Variants in PHF8 observed in about 807,000 individuals in gnomAD.
PHF8 encodes histone lysine demethylase PHF8.
In PHF8, 9 loss-of-function variants were observed where a neutral mutation model predicts 74.4. That is an observed-to-expected ratio of 0.12 (90% CI 0.07 to 0.21). The LOEUF (loss-of-function observed/expected upper bound fraction) is 0.21. PHF8 is among the 10% of genes least tolerant of loss of function. PHF8 has a pLI of 1.00. For missense variants in PHF8, 478 were observed against 816.6 expected (o/e 0.59, Z 5.05); for synonymous variants, 311 against 316.6 (o/e 0.98, Z 0.19).
chrX:53,953,203 G>A (rs1447559574), intron 19 of PHF8, among the ~76,000 whole-genome samples: 6 of 106,835 alleles, frequency 5.6e-5, no homozygotes, highest in African/African-American at 1.7e-4. Context: ...GAACCCGGGA[G>A]GTGGAGGTTG....
At chrX:53,945,747 T>C (rs1391825992) in intron 19 of PHF8, among the ~76,000 whole-genome samples, 2 of 110,980 alleles carry the variant, frequency 1.8e-5, no homozygotes, top group Admixed American at 1.9e-4. Flanking sequence ...TAGAGTACTA[T>C]CTTCCTTTTT....
chrX:54,041,344 A>C (rs1308230413), intron 2 of PHF8, among the ~76,000 whole-genome samples: 1 of 106,716 alleles, frequency 9.4e-6, no homozygotes, highest in Non-Finnish European at 1.9e-5. Context: ...AGATCATGCC[A>C]TTGCACTCCA....
At chrX:54,036,626 C>T (rs1340650832) in intron 2 of PHF8, among the ~76,000 whole-genome samples, 3 of 66,072 alleles carry the variant, frequency 4.5e-5, no homozygotes, top group African/African-American at 1.7e-4. Context: ...ATGCCTTGAA[C>T]TACATGAAAA....
In PHF8 at chrX:53,971,569, AATAG is replaced by A. The variant is rs781846012; in HGVS notation, c.2444-8634_2444-8631del. ...GCTTCTTTTTTGAAAAAATTAATAA[AATAG>A]ATAGACCATTAGCTAGACTAATGAA... is the stretch of plus-strand genomic sequence containing the variant. On this transcript the variant is annotated intron_variant, in intron 18 of 21. Transcript: ENST00000338154. Among the ~76,000 whole-genome samples the A allele has an allele frequency of 6.3e-5, 7 of 111,714 alleles. No homozygotes were observed. In the South Asian group the frequency reaches 1.5e-3, roughly 24 times the overall value.
At chrX:53,964,142 C>A (rs2065144054) in intron 18 of PHF8, among the ~76,000 whole-genome samples, 1 of 109,981 alleles carries the variant, frequency 9.1e-6, no homozygotes. Flanking sequence ...GACAGAAAAC[C>A]AAACACCGCA....
chrX:53,995,919 C>CAA lies in PHF8; in HGVS notation c.1234-139_1234-138dup, dbSNP rs879965477. 1.1e-3 allele frequency: 351 copies of CAA among 317,894 alleles called. 1 individual carries two copies. The highest frequency in any genetic ancestry group is 4.9e-3 in the African/African-American group (166 of 33,799). The allele number at this position is 317,894 out of a possible 1,213,427, so 26.2% of individuals were successfully genotyped here. On this transcript the variant is annotated intron_variant, in intron 11 of 21. Transcript: ENST00000338154. ...TCTGGACCAATTGGATATCCACATG[C>CAA]AAAAAAAAAAACAAAAACAAACAAA... is the stretch of plus-strand genomic sequence containing the variant.
chrX:53,998,689 C>T (rs1222721388), intron 11 of PHF8, among the ~76,000 whole-genome samples: 1 of 111,261 alleles, frequency 9.0e-6, no homozygotes, highest in Non-Finnish European at 1.9e-5. Context: ...ACTATACACA[C>T]GGTTGTGCAC....
chrX:54,002,317 T>C, intron 9 of PHF8, 56 bp from the exon 10 acceptor site: 2 of 748,825 alleles, frequency 2.7e-6, no homozygotes, highest in Middle Eastern at 6.0e-4. Context: ...GAGCACCTAC[T>C]ATGAATCAGG....
At chrX:54,020,369 T>C (rs1025138426) in intron 4 of PHF8, among the ~76,000 whole-genome samples, 1 of 111,760 alleles carries the variant, frequency 8.9e-6, no homozygotes, top group Non-Finnish European at 1.9e-5. Flanking sequence ...TTCTTTCTAA[T>C]AGCAAAATAC....
At chrX:54,011,862 C>CA (rs11397654) in intron 7 of PHF8, among the ~76,000 whole-genome samples, 2,620 of 39,621 alleles carry the variant, frequency 0.066, 107 homozygotes, top group African/African-American at 0.16. Context: ...GATAATTTGG[C>CA]AAAAAAAAAA....
At chrX:53,949,811 C>CAAAAAAAAAAAA (rs11353359) in intron 19 of PHF8, among the ~76,000 whole-genome samples, 5 of 24,346 alleles carry the variant, frequency 2.1e-4, no homozygotes, top group African/African-American at 3.8e-4. Context: ...GACTCCGTCT[C>CAAAAAAAAAAAA]AAAAAAAAAA....
chrX:54,028,167 A>T (rs1334046570), intron 2 of PHF8, among the ~76,000 whole-genome samples: 1 of 111,411 alleles, frequency 9.0e-6, no homozygotes, highest in Non-Finnish European at 1.9e-5. Flanking sequence ...GCATCCCAAT[A>T]AGAACAGCAA....
intron 18 of PHF8, among the ~76,000 whole-genome samples, chrX:53,968,170 G>A (rs1341384534): frequency 1.8e-5 from 2 of 108,940 alleles, no homozygotes; most frequent in East Asian, 2.8e-4. Context: ...CTTGGGGGAC[G>A]CAAAGAAAGC....
intron 8 of PHF8, among the ~76,000 whole-genome samples, chrX:54,007,672 A>G (rs781844653): frequency 9.5e-4 from 107 of 112,556 alleles, no homozygotes; most frequent in Admixed American, 4.1e-3. Flanking sequence ...AAGGTCATCC[A>G]GAAAACAGAA....
intron 19 of PHF8, among the ~76,000 whole-genome samples, chrX:53,945,117 G>A (rs782661211): frequency 1.8e-5 from 2 of 110,295 alleles, no homozygotes; most frequent in East Asian, 2.8e-4. Flanking sequence ...AGGCCGAGGC[G>A]GGTGGATCAC....
At chrX:53,967,304 C>T (rs1201865816) in intron 18 of PHF8, among the ~76,000 whole-genome samples, 21 of 95,810 alleles carry the variant, frequency 2.2e-4, no homozygotes, top group East Asian at 1.3e-3. Context: ...CCGCCCCGTC[C>T]GGGAGGGAGG....
chrX:54,012,651 A>G (rs1385774446), intron 7 of PHF8, among the ~76,000 whole-genome samples: 7 of 111,060 alleles, frequency 6.3e-5, no homozygotes, highest in Non-Finnish European at 1.3e-4. Context: ...AAAGTAAAAA[A>G]ATTGTCTGGA....
At chrX:54,004,552 C>T (rs1206674594) in intron 8 of PHF8, among the ~76,000 whole-genome samples, 1 of 111,380 alleles carries the variant, frequency 9.0e-6, no homozygotes, top group African/African-American at 3.3e-5. Flanking sequence ...TGAGCAATTC[C>T]AAACATGCTT....
intron 12 of PHF8, among the ~76,000 whole-genome samples, chrX:53,994,760 G>C (rs1171897365): frequency 2.7e-5 from 3 of 112,118 alleles, no homozygotes; most frequent in Non-Finnish European, 5.6e-5. Context: ...TGCAAGCATT[G>C]AGGCTAGAAG....
Sources: allele counts gnomAD v4.1 joint callset (sites outside exome capture counted in the v4.1 genomes callset), GRCh38; gene constraint gnomAD v4.1.1; transcripts MANE v1.5; gene names NCBI Gene and HGNC (gene_info 2026-07-23, HGNC 2026-07-21).